Variants in UGT1A8 observed in about 807,000 individuals in gnomAD.
UGT1A8 encodes UDP-glucuronosyltransferase 1A8.
A neutral mutation model predicts 45.3 loss-of-function variants in UGT1A8; 39 were observed. The ratio of observed to expected loss-of-function variants is 0.86; its 90% CI spans 0.67 to 1.12. The LOEUF (loss-of-function observed/expected upper bound fraction) is 1.12, where lower values mean the gene tolerates loss of function less well. Among genes scored for constraint, UGT1A8 ranks in the 50% most tolerant of loss-of-function variants. The probability of loss-of-function intolerance (pLI) is 0.00; values close to 1 mark genes in which losing one functional copy is unlikely to be tolerated. For synonymous variants in UGT1A8, 275 were observed against 249.2 expected (o/e 1.10, Z -0.97); for missense variants, 719 against 664.9 (o/e 1.08, Z -0.90).
intron 1 of UGT1A8, among the ~76,000 whole-genome samples, chr2:233,744,443 C>T (rs1003987688): frequency 1.2e-4 from 18 of 151,818 alleles, no homozygotes; most frequent in African/African-American, 3.9e-4. Flanking sequence ...ATACGTACTG[C>T]ATTAGAGATT....
chr2:233,760,739 A>C, intron 1 of UGT1A8: 1 of 1,613,934 alleles, frequency 6.2e-7, no homozygotes, highest in Non-Finnish European at 8.5e-7. Context: ...ATGCTGACGG[A>C]CCCTTTCCTT....
At chr2:233,677,956 T>G (rs1246986020) in intron 1 of UGT1A8, among the ~76,000 whole-genome samples, 1 of 152,070 alleles carries the variant, frequency 6.6e-6, no homozygotes, top group Non-Finnish European at 1.5e-5. Flanking sequence ...GAAGAAAATG[T>G]GGAACACATA....
At chr2:233,750,552 C>T (rs1256274617) in intron 1 of UGT1A8, 4 of 151,954 alleles carry the variant, frequency 2.6e-5, no homozygotes, top group Non-Finnish European at 5.9e-5. Context: ...ACATCAGAGA[C>T]CTTTGCAGCA....
intron 1 of UGT1A8, among the ~76,000 whole-genome samples, chr2:233,676,760 G>GACTTTTGGTAGGAAGAC (rs745494021): frequency 1.3e-5 from 2 of 152,178 alleles, no homozygotes; most frequent in Non-Finnish European, 2.9e-5. Flanking sequence ...TGGGTTTATA[G>GACTTTTGGTAGGAAGAC]ACTTTTGGTA....
chr2:233,766,580 G>A (rs1699191238), intron 1 of UGT1A8, among the ~76,000 whole-genome samples: 1 of 152,180 alleles, frequency 6.6e-6, no homozygotes, highest in Admixed American at 6.5e-5. Context: ...AGGTCTGGGG[G>A]TGGAGCCCTC....
chr2:233,656,847 C>T lies in UGT1A8; in HGVS notation c.855+38285C>T, dbSNP rs2073864194. 2.6e-5 allele frequency among the ~76,000 whole-genome samples: 4 copies of T among 152,034 alleles called. No individual in the cohort carries two copies. In the South Asian group the frequency reaches 6.2e-4, roughly 24 times the overall value. ...CTTAGTATTTTCTTTTCAGTTTACA[C>T]GTTCCTGGGCATCCCTATTAAGATG... is the stretch of plus-strand genomic sequence containing the variant. On this transcript the variant is annotated intron_variant, in intron 1 of 4. Coordinates refer to ENST00000373450, the MANE Select transcript of UGT1A8 (RefSeq NM_019076.5).
intron 1 of UGT1A8, among the ~76,000 whole-genome samples, chr2:233,669,055 T>G (rs1462807738): frequency 6.6e-6 from 1 of 152,232 alleles, no homozygotes; most frequent in Non-Finnish European, 1.5e-5. Flanking sequence ...GTAATGTGTT[T>G]TCCCGCTTTC....
intron 1 of UGT1A8, among the ~76,000 whole-genome samples, chr2:233,688,751 A>G (rs969172719): frequency 1.3e-5 from 2 of 152,216 alleles, no homozygotes; most frequent in Admixed American, 6.5e-5. Flanking sequence ...TATGGCCATA[A>G]TCAAATGAAC....
At chr2:233,677,934 A>G (rs1358787847) in intron 1 of UGT1A8, among the ~76,000 whole-genome samples, 1 of 152,194 alleles carries the variant, frequency 6.6e-6, no homozygotes, top group African/African-American at 2.4e-5. Context: ...GCCCGTCAAC[A>G]GTGGCTTAGA....
At chr2:233,640,961 A>G (rs1025338843) in intron 1 of UGT1A8, among the ~76,000 whole-genome samples, 1 of 152,220 alleles carries the variant, frequency 6.6e-6, no homozygotes, top group African/African-American at 2.4e-5. Flanking sequence ...TTCATGGTCT[A>G]GGACACATAG....
At chr2:233,757,245 G>C (rs113985508) in intron 1 of UGT1A8, among the ~76,000 whole-genome samples, 3 of 149,596 alleles carry the variant, frequency 2.0e-5, no homozygotes, top group African/African-American at 7.4e-5. Context: ...GTGGTGAGGT[G>C]GGGTTATTCA....
chr2:233,617,647 T>G lies in UGT1A8; in HGVS notation c.-61T>G. 2 of 1,553,828 alleles carry G rather than the reference T, an allele frequency of 1.3e-6. No homozygotes were observed. Among genetic ancestry groups the G allele is most frequent in the South Asian group, 1.2e-5 (1 of 80,290 alleles). On this transcript the variant is annotated 5_prime_UTR_variant, in exon 1 of 5. Coordinates refer to ENST00000373450, the MANE Select transcript of UGT1A8 (RefSeq NM_019076.5). ...GGTCAGGTTTTGTGCCTGTAGTTCT[T>G]CCGCCTACTGTATCATAGCAGCTTA...
chr2:233,725,626 T>TAGCATATATCTGACATTTAC (rs1183027261), intron 1 of UGT1A8, among the ~76,000 whole-genome samples: 17 of 152,190 alleles, frequency 1.1e-4, no homozygotes, highest in Non-Finnish European at 2.2e-4. Flanking sequence ...CTTCAAAATC[T>TAGCATATATCTGACATTTAC]AGCATATATC....
intron 1 of UGT1A8, chr2:233,672,843 A>C: frequency 6.4e-7 from 1 of 1,554,194 alleles, no homozygotes; most frequent in Non-Finnish European, 8.7e-7. Flanking sequence ...GGAAATTAAA[A>C]AAGGATTCTT....
intron 4 of UGT1A8, chr2:233,770,673 A>G (rs1176637451): frequency 6.6e-6 from 1 of 152,078 alleles, no homozygotes; most frequent in African/African-American, 2.4e-5. Context: ...AAAAAAAAAA[A>G]AAGAAGGTTC....
At chr2:233,667,129 T>C (rs1047940069) in intron 1 of UGT1A8, among the ~76,000 whole-genome samples, 4 of 152,184 alleles carry the variant, frequency 2.6e-5, no homozygotes, top group Admixed American at 1.3e-4. Flanking sequence ...TGTGTCTTTA[T>C]AGCAGCATGT....
At chr2:233,761,722 G>C (rs1220395060) in intron 1 of UGT1A8, among the ~76,000 whole-genome samples, 1 of 152,224 alleles carries the variant, frequency 6.6e-6, no homozygotes, top group African/African-American at 2.4e-5. Context: ...CAAGCTATTA[G>C]GTTTATTTTT....
chr2:233,662,942 T>C (rs185178881), intron 1 of UGT1A8, among the ~76,000 whole-genome samples: 227 of 152,308 alleles, frequency 1.5e-3, no homozygotes, highest in South Asian at 0.013. Flanking sequence ...TAGATTTATT[T>C]TTAAAGCTTA....
chr2:233,647,921 A>T lies in UGT1A8; in HGVS notation c.855+29359A>T, dbSNP rs2073643632. On this transcript the variant is annotated intron_variant, in intron 1 of 4. Coordinates refer to ENST00000373450, the MANE Select transcript of UGT1A8 (RefSeq NM_019076.5). Reference sequence around the variant, plus strand: ...AGTTAGCCTCCAGGGAAGGTAGATCACTCACTGCCCATGGATGGGAGCCAC... The same window carrying T: ...AGTTAGCCTCCAGGGAAGGTAGATCTCTCACTGCCCATGGATGGGAGCCAC... The T allele has an allele frequency of 3.8e-6, 6 of 1,599,032 alleles. No homozygotes were observed. In the Admixed American group the frequency reaches 1.0e-4, roughly 27 times the overall value.
Sources: gnomAD v4.1 joint callset for allele counts (sites outside exome capture counted in the v4.1 genomes callset) on GRCh38, gnomAD v4.1.1 for gene constraint, MANE v1.5 for transcripts, NCBI Gene and HGNC (gene_info 2026-07-23, HGNC 2026-07-21) for gene names.